Variants in LUZP1 observed in about 807,000 individuals in gnomAD.
The protein encoded by LUZP1 is leucine zipper protein 1, also known as filamin mechanobinding actin cross-linking protein.
In LUZP1, 25 loss-of-function variants were observed where a neutral mutation model predicts 71.3. That is an observed-to-expected ratio of 0.35 (90% CI 0.26 to 0.49). The LOEUF is 0.49. Among genes scored for constraint, LUZP1 ranks in the 20% least tolerant of loss-of-function variants. The pLI is 0.99. For missense variants in LUZP1, 1,142 were observed against 1,300.8 expected, an observed-to-expected ratio of 0.88 and a Z score of 1.88; for synonymous variants, 481 against 506.4, an observed-to-expected ratio of 0.95 and a Z score of 0.67.
At chr1:23,127,631 C>T (rs940903989) in intron 2 of LUZP1, among the ~76,000 whole-genome samples, 5 of 152,166 alleles carry the variant, frequency 3.3e-5, no homozygotes, top group African/African-American at 1.2e-4. Context: ...TCACGCCATT[C>T]TCCTGCCTCA....
chr1:23,166,853 C>T (rs924831535), intron 2 of LUZP1, among the ~76,000 whole-genome samples: 5 of 151,974 alleles, frequency 3.3e-5, no homozygotes, highest in South Asian at 2.1e-4. Context: ...ATTAACAATC[C>T]GCATTATTAA....
exon 2 of LUZP1, chr1:23,168,950 CT>C (rs142471310): frequency 6.6e-6 from 1 of 152,318 alleles, no homozygotes; most frequent in Non-Finnish European, 1.5e-5. Flanking sequence ...CCCCTCCGTC[CT>C]TTTTTTCCCT....
chr1:23,104,698 G>A (rs575750123), intron 3 of LUZP1, among the ~76,000 whole-genome samples: 1 of 152,262 alleles, frequency 6.6e-6, no homozygotes, highest in South Asian at 2.1e-4. Context: ...ACAGGGGCAA[G>A]GTAGGAACCT....
intron 2 of LUZP1, among the ~76,000 whole-genome samples, chr1:23,144,323 T>C (rs1221852045): frequency 6.8e-6 from 1 of 147,694 alleles, no homozygotes; most frequent in Non-Finnish European, 1.5e-5. Context: ...AATCAGGTGC[T>C]GACAGCTGAG....
exon 5 of LUZP1, chr1:23,088,880 A>G (rs780497322): frequency 1.2e-6 from 2 of 1,612,342 alleles, no homozygotes; most frequent in Admixed American, 3.3e-5. Flanking sequence ...GGCAGACAAC[A>G]GACACCCAGC....
Position 23,154,549 on chromosome 1 carries a change from T to TC in LUZP1, c.-226+14216dup, listed in dbSNP as rs1491577077. ...GTAAGACCCTGTCTTCTTTTTCTTTTCTTTTTTTTTTGAGACGGAGTCTTG... is the reference window on the plus strand; with the variant it reads ...GTAAGACCCTGTCTTCTTTTTCTTTTCCTTTTTTTTTTGAGACGGAGTCTTG... On this transcript the variant is annotated intron_variant, in intron 2 of 4. Transcript: ENST00000302291. 4.9e-5 allele frequency among the ~76,000 whole-genome samples: 7 copies of TC among 143,202 alleles called. No individual in the cohort carries two copies. In the East Asian group the frequency reaches 1.0e-3, roughly 21 times the overall value. The allele number at this position is 143,202 out of a possible 152,430, so 93.9% of individuals were successfully genotyped here.
At chr1:23,135,924 A>T (rs1236580282) in intron 2 of LUZP1, among the ~76,000 whole-genome samples, 2 of 152,190 alleles carry the variant, frequency 1.3e-5, no homozygotes, top group East Asian at 3.8e-4. Flanking sequence ...GTAACCCATG[A>T]CAAAGTAGTA....
chr1:23,149,043 T>C (rs1348808789), intron 2 of LUZP1, among the ~76,000 whole-genome samples: 2 of 121,586 alleles, frequency 1.6e-5, no homozygotes, highest in Non-Finnish European at 3.1e-5. Flanking sequence ...ATGGCAACAC[T>C]GTATTCCAGC....
At chr1:23,111,071 G>A (rs761135512) in intron 2 of LUZP1, among the ~76,000 whole-genome samples, 1 of 151,426 alleles carries the variant, frequency 6.6e-6, no homozygotes, top group Non-Finnish European at 1.5e-5. Context: ...ATGGTGACAT[G>A]TGCCTATAAT....
At chr1:23,107,424 C>T (rs558546346) in intron 3 of LUZP1, among the ~76,000 whole-genome samples, 4 of 152,202 alleles carry the variant, frequency 2.6e-5, no homozygotes, top group South Asian at 2.1e-4. Context: ...TACTTAGTTC[C>T]GATAACTAAA....
chr1:23,108,143 G>A (rs1643998556), intron 3 of LUZP1, among the ~76,000 whole-genome samples: 1 of 152,180 alleles, frequency 6.6e-6, no homozygotes, highest in South Asian at 2.1e-4. Context: ...GCTCTCCTCT[G>A]CCTTAGCCAA....
chr1:23,120,136 T>C (rs1469269911), intron 2 of LUZP1, among the ~76,000 whole-genome samples: 1 of 151,914 alleles, frequency 6.6e-6, no homozygotes, highest in African/African-American at 2.4e-5. Flanking sequence ...AGAGATGGGG[T>C]TTCACCATGT....
chr1:23,154,728 G>A (rs867387939), intron 2 of LUZP1, among the ~76,000 whole-genome samples: 2 of 59,674 alleles, frequency 3.4e-5, no homozygotes, highest in East Asian at 8.6e-4. Context: ...TTTTTTTTTT[G>A]TATTTTTAGT....
intron 2 of LUZP1, among the ~76,000 whole-genome samples, chr1:23,118,406 A>G (rs1310285420): frequency 6.6e-6 from 1 of 152,178 alleles, no homozygotes; most frequent in African/African-American, 2.4e-5. Flanking sequence ...TCAAAAAAAA[A>G]TTAAAATTAA....
chr1:23,117,510 GGGGGGGGGC>G (rs201451862), intron 2 of LUZP1, among the ~76,000 whole-genome samples: 1,615 of 69,092 alleles, frequency 0.023, 75 homozygotes, highest in African/African-American at 0.058. Context: ...GAAGCCCTGG[GGGGGGGGGC>G]GGGGGGGGGG....
intron 2 of LUZP1, among the ~76,000 whole-genome samples, chr1:23,117,492 A>C (rs59527217): frequency 0.017 from 374 of 21,464 alleles, no homozygotes; most frequent in Middle Eastern, 0.12. Context: ...CCCCCCCCCC[A>C]CAATCAGGAA....
intron 3 of LUZP1, among the ~76,000 whole-genome samples, chr1:23,103,567 C>T (rs567761479): frequency 4.9e-4 from 74 of 151,912 alleles, no homozygotes; most frequent in African/African-American, 1.7e-3. Context: ...ACAGTCACTT[C>T]CTCCCAAGAC....
chr1:23,160,022 T>G (rs1644452008), intron 2 of LUZP1, among the ~76,000 whole-genome samples: 1 of 152,122 alleles, frequency 6.6e-6, no homozygotes, highest in Admixed American at 6.6e-5. Context: ...ATTACTACAT[T>G]ACCCTGTAAT....
exon 4 of LUZP1, chr1:23,092,506 T>C: frequency 6.2e-7 from 1 of 1,614,208 alleles, no homozygotes; most frequent in Non-Finnish European, 8.5e-7. Context: ...TCAAGGCCAT[T>C]GGCAGCCTTT....
Sources: gnomAD v4.1 joint callset for allele counts (sites outside exome capture counted in the v4.1 genomes callset) on GRCh38, gnomAD v4.1.1 for gene constraint, MANE v1.5 for transcripts, NCBI Gene and HGNC (gene_info 2026-07-23, HGNC 2026-07-21) for gene names.